Variants in AKR1C4 observed in about 807,000 individuals in gnomAD.
The protein encoded by AKR1C4 is 3-alpha-HSD1.
A neutral mutation model predicts 41.0 loss-of-function variants in AKR1C4; 44 were observed. That is an observed-to-expected ratio of 1.07 (90% CI 0.84 to 1.38). AKR1C4 has a LOEUF of 1.38. AKR1C4 is among the 40% of genes most tolerant of loss of function. The pLI is 0.00. For synonymous variants in AKR1C4, 165 were observed against 137.7 expected (o/e 1.20, Z -1.39); for missense variants, 438 against 387.9 (o/e 1.13, Z -1.09).
chr10:5,212,913 G>T, intron 6 of AKR1C4, 81 bp from the exon 7 acceptor site: 1 of 1,534,744 alleles, frequency 6.5e-7, no homozygotes, highest in Non-Finnish European at 8.8e-7. Context: ...GGTGCAGAAT[G>T]AACACCTTAG....
intron 8 of AKR1C4, among the ~76,000 whole-genome samples, chr10:5,217,318 C>T (rs1332375722): frequency 2.0e-5 from 3 of 152,198 alleles, no homozygotes; most frequent in African/African-American, 7.2e-5. Flanking sequence ...TTTCTTCCTT[C>T]TCTTTAGACA....
At chr10:5,207,292 A>G (rs12776936) in intron 5 of AKR1C4, 117 of 247,846 alleles carry the variant, frequency 4.7e-4, no homozygotes, top group Non-Finnish European at 7.7e-4. Flanking sequence ...GCTATTCAAT[A>G]AATTTGTAAA....
chr10:5,200,030 C>A, intron 1 of AKR1C4, 151 bp from the exon 2 acceptor site: 1 of 936,650 alleles, frequency 1.1e-6, no homozygotes, highest in Non-Finnish European at 1.6e-6. Context: ...CTGCCCCCAT[C>A]TGTATGCTCC....
intron 2 of AKR1C4, among the ~76,000 whole-genome samples, chr10:5,201,549 G>A (rs4478889): frequency 2.6e-5 from 4 of 152,050 alleles, no homozygotes; most frequent in Non-Finnish European, 4.4e-5. Context: ...CCATTCTGTA[G>A]GTTGTCTGTT....
At chr10:5,205,918 T>C in intron 4 of AKR1C4, 84 bp downstream of exon 4, 1 of 1,339,846 alleles carries the variant, frequency 7.5e-7, no homozygotes, top group South Asian at 1.4e-5. Context: ...AACATTGGAA[T>C]ATGCACCATT....
At chr10:5,208,519 A>T (rs560280736) in intron 5 of AKR1C4, among the ~76,000 whole-genome samples, 1 of 151,602 alleles carries the variant, frequency 6.6e-6, no homozygotes, top group African/African-American at 2.4e-5. Context: ...ATATAGGCAT[A>T]TATGAGTATA....
chr10:5,213,020 T>C lies in AKR1C4; in HGVS notation c.707T>C (p.Leu236Ser). ...LWVDPNSPVL[L>S]EDPVLCALAK... ...GTGGACCCAAACTCCCCAGTTCTTT[T>C]GGAGGACCCAGTTCTTTGTGCCTTA... Residue 236 changes from leucine to serine, a missense_variant, in exon 7 of 9, where the codon TTG (leucine) becomes TCG (serine). Coordinates refer to ENST00000263126, the MANE Select transcript of AKR1C4 (RefSeq NM_001818.5). 6.2e-7 allele frequency: 1 copy of C among 1,614,158 alleles called. No individual in the cohort carries two copies. Among genetic ancestry groups the C allele is most frequent in the Non-Finnish European group, 8.5e-7 (1 of 1,180,004 alleles).
At chr10:5,214,890 G>A (rs1321142603) in intron 7 of AKR1C4, among the ~76,000 whole-genome samples, 1 of 152,056 alleles carries the variant, frequency 6.6e-6, no homozygotes, top group Non-Finnish European at 1.5e-5. Context: ...TTTCCAATTT[G>A]TATACTGAGA....
At chr10:5,206,965 TGA>T (rs1341554034) in intron 5 of AKR1C4, among the ~76,000 whole-genome samples, 2 of 152,136 alleles carry the variant, frequency 1.3e-5, no homozygotes, top group African/African-American at 4.8e-5. Flanking sequence ...TACCCGTTTA[TGA>T]GAGTTGCTTG....
At chr10:5,204,288 G>A (rs190454493) in intron 2 of AKR1C4, 89 bp from the exon 3 acceptor site, 71 of 1,018,056 alleles carry the variant, frequency 7.0e-5, no homozygotes, top group Middle Eastern at 6.6e-4. Context: ...TGTTTGGAAC[G>A]GTGAAAAATG....
At position 5,218,768 on chromosome 10, in the gene AKR1C4, G is replaced by C. The variant is rs1554798845; in HGVS notation, c.*8G>C. On this transcript the variant is annotated 3_prime_UTR_variant, in exon 9 of 9. Transcript: ENST00000263126. ...TTTTCAGATGAATATTAGCATAGAGGGTGTTGCACGACATCTAGCAGAAGG... is the reference window on the plus strand; with the variant it reads ...TTTTCAGATGAATATTAGCATAGAGCGTGTTGCACGACATCTAGCAGAAGG... The C allele has an allele frequency of 1.9e-6, 3 of 1,603,190 alleles. No homozygotes were observed. The highest frequency in any genetic ancestry group is 2.7e-5 in the African/African-American group (2 of 74,738).
chr10:5,206,075 C>G (rs1832479983), intron 4 of AKR1C4, among the ~76,000 whole-genome samples, 200 bp from the exon 5 acceptor site: 1 of 152,186 alleles, frequency 6.6e-6, no homozygotes, highest in Non-Finnish European at 1.5e-5. Context: ...ACATTTATCT[C>G]TCCAGCTTCC....
intron 1 of AKR1C4, 37 bp downstream of exon 1, chr10:5,196,988 A>G (rs782027315): frequency 3.1e-6 from 5 of 1,596,698 alleles, no homozygotes; most frequent in Non-Finnish European, 3.4e-6. Context: ...CATTTAAAAG[A>G]GCAAAGCTAG....
Position 5,216,711 on chromosome 10 carries a change from G to A in AKR1C4, c.847G>A (p.Val283Ile). 2 of 1,607,182 alleles carry A rather than the reference G, an allele frequency of 1.2e-6. No individual in the cohort carries two copies. The highest frequency in any genetic ancestry group is 1.7e-6 in the Non-Finnish European group (2 of 1,175,474). The part of the protein sequence containing the change: ...NEQRIRENIQ[V>I]FEFQLTSEDM... ...TAAACATTTTCTACTTCTTTGGTAG[G>A]TTTTTGAATTCCAGTTGACATCAGA... Residue 283 changes from valine (V) to isoleucine (I), a missense_variant and splice_region_variant, in exon 8 of 9, where the codon GTT (valine) becomes ATT (isoleucine). Physicochemically the swap from Val to Ile is conservative, Grantham distance 29. Coordinates refer to ENST00000263126, the MANE Select transcript of AKR1C4 (RefSeq NM_001818.5).
intron 2 of AKR1C4, among the ~76,000 whole-genome samples, chr10:5,201,056 A>G (rs1446986996): frequency 6.6e-6 from 1 of 151,934 alleles, no homozygotes; most frequent in Non-Finnish European, 1.5e-5. Flanking sequence ...TGTGAATCAT[A>G]CTGCTGTAAA....
At chr10:5,206,883 T>G (rs1832497819) in intron 5 of AKR1C4, among the ~76,000 whole-genome samples, 1 of 152,116 alleles carries the variant, frequency 6.6e-6, no homozygotes, top group Non-Finnish European at 1.5e-5. Flanking sequence ...CATCTCTGTT[T>G]TCATAGTTCT....
chr10:5,202,251 T>C (rs1832410648), intron 2 of AKR1C4, among the ~76,000 whole-genome samples: 1 of 152,180 alleles, frequency 6.6e-6, no homozygotes, highest in Admixed American at 6.5e-5. Flanking sequence ...TTAAGCATAT[T>C]CTTAGGGATT....
intron 3 of AKR1C4, 21 bp downstream of exon 3, chr10:5,204,514 A>G (rs782008432): frequency 6.6e-7 from 1 of 1,516,306 alleles, no homozygotes; most frequent in Middle Eastern, 1.7e-4. Flanking sequence ...TGTGAGATCA[A>G]CTTCTCTTCT....
intron 2 of AKR1C4, among the ~76,000 whole-genome samples, chr10:5,202,997 G>T (rs1220518583): frequency 6.8e-6 from 1 of 146,216 alleles, no homozygotes; most frequent in African/African-American, 2.6e-5. Context: ...TCCTTTCCTG[G>T]TATTGGTATT....
Sources: allele counts gnomAD v4.1 joint callset (sites outside exome capture counted in the v4.1 genomes callset), GRCh38; gene constraint gnomAD v4.1.1; transcripts MANE v1.5; gene names NCBI Gene and HGNC (gene_info 2026-07-23, HGNC 2026-07-21).